Variants in BTBD8 observed in about 807,000 individuals in gnomAD.
BTBD8 encodes BTB domain containing 8.
Under a neutral mutation model 162.9 loss-of-function variants are expected in BTBD8, and 110 were observed. The ratio of observed to expected loss-of-function variants is 0.68; its 90% CI spans 0.58 to 0.79. The LOEUF is 0.79. BTBD8 is among the 30% of genes least tolerant of loss of function. The probability of loss-of-function intolerance (pLI) is 0.00; values close to 1 mark genes in which losing one functional copy is unlikely to be tolerated. For missense variants in BTBD8, 1,905 were observed against 2,085.4 expected (o/e 0.91, Z 1.68); for synonymous variants, 667 against 716.1 (o/e 0.93, Z 1.10).
At chr1:92,161,993 C>G (rs1190619369) in intron 9 of BTBD8, among the ~76,000 whole-genome samples, 1 of 152,084 alleles carries the variant, frequency 6.6e-6, no homozygotes, top group Non-Finnish European at 1.5e-5. Flanking sequence ...CCACCCACCC[C>G]CTTCTTTCTT....
In BTBD8 at chr1:92,080,467, T is replaced by G; in HGVS notation, c.-105T>G. 3 of 1,506,736 alleles carry G rather than the reference T, an allele frequency of 2.0e-6. No individual in the cohort carries two copies. The highest frequency in any genetic ancestry group is 1.8e-6 in the Non-Finnish European group (2 of 1,125,932). 93.3% of individuals were successfully genotyped at this position (1,506,736 alleles called of 1,614,324 possible). Reference sequence around the variant, plus strand: ...CAACCTTTTACCCTAGGGGGCGGATTTGGGTAGGAGCCGAGCGTTCGGTCG... The same window carrying G: ...CAACCTTTTACCCTAGGGGGCGGATGTGGGTAGGAGCCGAGCGTTCGGTCG... On this transcript the variant is annotated 5_prime_UTR_variant, in exon 1 of 18. In the 5' UTR this introduces an upstream ATG that the reference lacks. Transcript: ENST00000636805.
chr1:92,082,830 G>A (rs1648055303), intron 1 of BTBD8, among the ~76,000 whole-genome samples: 1 of 151,992 alleles, frequency 6.6e-6, no homozygotes, highest in Non-Finnish European at 1.5e-5. Flanking sequence ...CAAATGGACT[G>A]TTATTCAGGG....
intron 9 of BTBD8, among the ~76,000 whole-genome samples, chr1:92,154,300 C>G (rs1231031613): frequency 1.3e-5 from 2 of 152,156 alleles, no homozygotes; most frequent in African/African-American, 4.8e-5. Flanking sequence ...CACAAATACC[C>G]AGAAGTAGGT....
At chr1:92,170,946 A>G (rs2100675279) in intron 12 of BTBD8, among the ~76,000 whole-genome samples, 1 of 151,920 alleles carries the variant, frequency 6.6e-6, no homozygotes, top group African/African-American at 2.4e-5. Flanking sequence ...TATCTGCAAA[A>G]CCAGAAAATA....
intron 1 of BTBD8, among the ~76,000 whole-genome samples, chr1:92,082,585 CTT>C (rs912013123): frequency 1.3e-5 from 2 of 151,898 alleles, no homozygotes; most frequent in African/African-American, 2.4e-5. Context: ...AGGGGAATAA[CTT>C]TTATGGAAGC....
intron 4 of BTBD8, among the ~76,000 whole-genome samples, chr1:92,120,576 C>G (rs958521325): frequency 2.0e-5 from 3 of 152,180 alleles, no homozygotes; most frequent in African/African-American, 7.2e-5. Flanking sequence ...GACTTTTATA[C>G]AGCTGGCAGC....
chr1:92,125,266 T>TA (rs1649324382), intron 4 of BTBD8: 1 of 163,024 alleles, frequency 6.1e-6, no homozygotes, highest in Non-Finnish European at 1.3e-5. Flanking sequence ...GAAGAAAGAA[T>TA]AGAGGGGACC....
Position 92,129,793 on chromosome 1 carries a change from A to G in BTBD8, c.752+17A>G. On this transcript the variant is annotated intron_variant, in intron 5 of 17. Transcript: ENST00000636805. Reference sequence around the variant, plus strand: ...TCTTCAAGGGTAAGCATATTTTTACAGGGCCATTTGACTGCAAATGATTGT... The same window carrying G: ...TCTTCAAGGGTAAGCATATTTTTACGGGGCCATTTGACTGCAAATGATTGT... The G allele has an allele frequency of 6.3e-7, 1 of 1,594,454 alleles. No homozygotes were observed. Among genetic ancestry groups the G allele is most frequent in the South Asian group, 1.1e-5 (1 of 90,638 alleles).
intron 9 of BTBD8, among the ~76,000 whole-genome samples, chr1:92,166,607 T>C (rs1226050321): frequency 6.6e-6 from 1 of 151,778 alleles, no homozygotes; most frequent in African/African-American, 2.4e-5. Context: ...GTATTTTTAG[T>C]AGAAGTGGGT....
intron 9 of BTBD8, among the ~76,000 whole-genome samples, chr1:92,152,732 C>G (rs1458557397): frequency 1.3e-5 from 2 of 152,010 alleles, no homozygotes; most frequent in African/African-American, 4.8e-5. Flanking sequence ...ATGCCTCTCC[C>G]AATGCTATAC....
intron 9 of BTBD8, among the ~76,000 whole-genome samples, chr1:92,163,861 G>T (rs1050459845): frequency 6.6e-6 from 1 of 152,040 alleles, no homozygotes; most frequent in Non-Finnish European, 1.5e-5. Context: ...TGTCCATATT[G>T]TAGTTTTCCA....
At chr1:92,118,488 TATGTTAACCTTGATG>T (rs1337862925) in intron 4 of BTBD8, among the ~76,000 whole-genome samples, 2 of 151,814 alleles carry the variant, frequency 1.3e-5, no homozygotes, top group African/African-American at 4.9e-5. Context: ...CATCACTGTT[TATGTTAACCTTGATG>T]ATGACCTTGT....
At chr1:92,097,728 A>T (rs1648490687) in intron 2 of BTBD8, among the ~76,000 whole-genome samples, 1 of 152,086 alleles carries the variant, frequency 6.6e-6, no homozygotes, top group African/African-American at 2.4e-5. Context: ...TATTCCCTTT[A>T]TGGCTGTATA....
At chr1:92,153,068 C>T (rs1650082929) in intron 9 of BTBD8, among the ~76,000 whole-genome samples, 1 of 152,010 alleles carries the variant, frequency 6.6e-6, no homozygotes, top group Non-Finnish European at 1.5e-5. Context: ...TTTTTTTTAG[C>T]AATAACCCCA....
intron 16 of BTBD8, among the ~76,000 whole-genome samples, chr1:92,179,108 T>C (rs1223820959): frequency 3.3e-5 from 5 of 151,914 alleles, no homozygotes; most frequent in Non-Finnish European, 7.4e-5. Flanking sequence ...TAGCCAGGTG[T>C]GGTGGTGTGT....
At chr1:92,147,355 G>C in intron 8 of BTBD8, 87 bp downstream of exon 8, 1 of 1,180,082 alleles carries the variant, frequency 8.5e-7, no homozygotes, top group Non-Finnish European at 1.2e-6. Context: ...TTTAGAGTTG[G>C]CCTGTTTTCT....
intron 13 of BTBD8, among the ~76,000 whole-genome samples, chr1:92,172,866 A>G (rs1380597678): frequency 2.0e-5 from 3 of 152,172 alleles, no homozygotes; most frequent in Non-Finnish European, 2.9e-5. Flanking sequence ...AGTGGGTTTC[A>G]CAAGATACGA....
intron 5 of BTBD8, among the ~76,000 whole-genome samples, chr1:92,132,506 A>T (rs1263284423): frequency 6.6e-6 from 1 of 152,200 alleles, no homozygotes; most frequent in African/African-American, 2.4e-5. Context: ...TCTTTAATTT[A>T]TAATGGAAGT....
At chr1:92,143,770 C>T (rs964330882) in intron 7 of BTBD8, among the ~76,000 whole-genome samples, 1 of 151,786 alleles carries the variant, frequency 6.6e-6, no homozygotes, top group Non-Finnish European at 1.5e-5. Flanking sequence ...CCTTGCCCTC[C>T]CAAAGTGCTG....
Sources: allele counts gnomAD v4.1 joint callset (sites outside exome capture counted in the v4.1 genomes callset), GRCh38; gene constraint gnomAD v4.1.1; transcripts MANE v1.5; gene names NCBI Gene and HGNC (gene_info 2026-07-23, HGNC 2026-07-21).